Variants in SLC26A7 observed in about 807,000 individuals in gnomAD.
SLC26A7 encodes the protein anion exchange transporter.
SLC26A7 carries 59 observed loss-of-function variants against 82.5 expected under a neutral mutation model. The ratio of observed to expected loss-of-function variants is 0.72; its 90% CI spans 0.58 to 0.89. The LOEUF (loss-of-function observed/expected upper bound fraction) is 0.89. Among genes scored for constraint, SLC26A7 ranks in the 40% least tolerant of loss-of-function variants. The pLI is 0.00. For synonymous variants in SLC26A7, 271 were observed against 274.3 expected (o/e 0.99, Z 0.12); for missense variants, 820 against 793.0 (o/e 1.03, Z -0.41).
Position 91,266,322 on chromosome 8 carries a change from G to T in SLC26A7, c.193+16478G>T, listed in dbSNP as rs966700839. Reference sequence around the variant, plus strand: ...TTGCATTTAATCTGTAGATTTCTTTGGATAGTATGGACATTTTAATGATAT... The same window carrying T: ...TTGCATTTAATCTGTAGATTTCTTTTGATAGTATGGACATTTTAATGATAT... On this transcript the variant is annotated intron_variant, in intron 2 of 18. Transcript: ENST00000276609. Among the ~76,000 whole-genome samples, 6 of 151,622 alleles carry T rather than the reference G, an allele frequency of 4.0e-5. No homozygotes were observed. In the East Asian group the frequency reaches 1.2e-3, roughly 29 times the overall value.
At chr8:91,394,829 A>G in intron 18 of SLC26A7, 1 of 846,878 alleles carries the variant, frequency 1.2e-6, no homozygotes, top group Non-Finnish European at 1.7e-6. Flanking sequence ...TTTAGAAACA[A>G]GGAAACTGAC....
intron 9 of SLC26A7, among the ~76,000 whole-genome samples, chr8:91,346,500 ATGT>A (rs1423559518): frequency 3.9e-5 from 6 of 152,188 alleles, no homozygotes; most frequent in Admixed American, 3.9e-4. Context: ...CCATAAATTG[ATGT>A]AGATGATAAA....
chr8:91,392,849 C>A (rs1808441337), intron 16 of SLC26A7, among the ~76,000 whole-genome samples: 1 of 152,150 alleles, frequency 6.6e-6, no homozygotes, highest in African/African-American at 2.4e-5. Flanking sequence ...GAGTGAAACA[C>A]TGGGAGGTCA....
intron 6 of SLC26A7, among the ~76,000 whole-genome samples, chr8:91,334,993 A>C (rs13270617): frequency 0.055 from 8,405 of 152,192 alleles, 257 homozygotes; most frequent in African/African-American, 0.084. Context: ...AATACATTAC[A>C]TTTTGCTCCT....
At chr8:91,232,274 A>G (rs1810319965) in intron 2 of SLC26A7, among the ~76,000 whole-genome samples, 1 of 152,178 alleles carries the variant, frequency 6.6e-6, no homozygotes, top group Non-Finnish European at 1.5e-5. Context: ...TTTATTTCCC[A>G]TAATATAGGG....
intron 11 of SLC26A7, among the ~76,000 whole-genome samples, chr8:91,353,478 A>G (rs1398704439): frequency 1.3e-5 from 2 of 152,160 alleles, no homozygotes; most frequent in Non-Finnish European, 2.9e-5. Flanking sequence ...GGGTTACATT[A>G]AGAGGACCAT....
chr8:91,268,228 G>A (rs1811165903), intron 2 of SLC26A7, among the ~76,000 whole-genome samples: 1 of 151,692 alleles, frequency 6.6e-6, no homozygotes, highest in South Asian at 2.1e-4. Flanking sequence ...CTAAAAGTGA[G>A]GTGTTAAAGT....
intron 11 of SLC26A7, among the ~76,000 whole-genome samples, chr8:91,355,671 T>C (rs549335306): frequency 5.9e-5 from 9 of 152,232 alleles, no homozygotes; most frequent in African/African-American, 1.7e-4. Context: ...AGGTTTTTTT[T>C]CCTGAGATTA....
intron 2 of SLC26A7, among the ~76,000 whole-genome samples, chr8:91,256,050 A>C (rs1487533557): frequency 2.6e-5 from 4 of 152,138 alleles, no homozygotes; most frequent in Non-Finnish European, 5.9e-5. Context: ...TATTGCTGGC[A>C]CAGCAGATGG....
At chr8:91,371,272 T>A (rs932188474) in intron 15 of SLC26A7, among the ~76,000 whole-genome samples, 3 of 151,870 alleles carry the variant, frequency 2.0e-5, no homozygotes, top group Non-Finnish European at 3.0e-5. Flanking sequence ...ATCTATTTTT[T>A]AAATTTACTT....
chr8:91,221,605 C>T (rs1269226402), intron 2 of SLC26A7, among the ~76,000 whole-genome samples: 1 of 152,116 alleles, frequency 6.6e-6, no homozygotes, highest in Non-Finnish European at 1.5e-5. Context: ...GCCAGTTCTC[C>T]CAGCACCATT....
At chr8:91,252,321 T>C (rs530343910) in intron 2 of SLC26A7, among the ~76,000 whole-genome samples, 13 of 152,104 alleles carry the variant, frequency 8.5e-5, no homozygotes, top group Admixed American at 4.6e-4. Flanking sequence ...TTCATTTGAG[T>C]GTTTTCTATA....
At chr8:91,357,795 A>G (rs1813914613) in intron 11 of SLC26A7, among the ~76,000 whole-genome samples, 1 of 152,232 alleles carries the variant, frequency 6.6e-6, no homozygotes, top group African/African-American at 2.4e-5. Context: ...TGCACAGCAA[A>G]AGAAACTACC....
chr8:91,224,186 C>T (rs571102251), intron 2 of SLC26A7, among the ~76,000 whole-genome samples: 4 of 152,026 alleles, frequency 2.6e-5, no homozygotes, highest in African/African-American at 9.6e-5. Flanking sequence ...TCTGTCAGTT[C>T]GTCTATCTGA....
Position 91,320,872 on chromosome 8 carries a change from C to A in SLC26A7, c.642+2492C>A, listed in dbSNP as rs112828467. ...AATTCAGGCTGATGAGAGATAAAGC[C>A]CATGTTACTGATATTCTTGGAACAT... On this transcript the variant is annotated intron_variant, in intron 5 of 18. Coordinates refer to ENST00000276609, the MANE Select transcript of SLC26A7 (RefSeq NM_052832.4). 1.3e-3 allele frequency among the ~76,000 whole-genome samples: 202 copies of A among 152,262 alleles called. 2 individuals are homozygous for A. The highest frequency in any genetic ancestry group is 4.8e-3 in the African/African-American group (199 of 41,542).
intron 2 of SLC26A7, among the ~76,000 whole-genome samples, chr8:91,254,714 A>C (rs898189607): frequency 6.6e-6 from 1 of 152,198 alleles, no homozygotes; most frequent in African/African-American, 2.4e-5. Flanking sequence ...AAAGAAAGAT[A>C]AAAGAAACTT....
At chr8:91,394,597 T>C (rs1808513996) in intron 18 of SLC26A7, 2 of 1,177,908 alleles carry the variant, frequency 1.7e-6, no homozygotes, top group Non-Finnish European at 2.1e-6. Flanking sequence ...TTGTTTTGCC[T>C]TTCCTCACCC....
chr8:91,258,405 C>G lies in SLC26A7; in HGVS notation c.193+8561C>G, dbSNP rs533627049. Among the ~76,000 whole-genome samples the G allele has an allele frequency of 2.7e-5, 4 of 148,788 alleles. No homozygotes were observed. In the South Asian group the frequency reaches 6.5e-4, roughly 24 times the overall value. On this transcript the variant is annotated intron_variant, in intron 2 of 18. Transcript: ENST00000276609. Reference sequence around the variant, plus strand: ...TTTTTTATAATGCAAGTCACCCCCCCATCTACACAGTTTTTCATGCCAGAA... The same window carrying G: ...TTTTTTATAATGCAAGTCACCCCCCGATCTACACAGTTTTTCATGCCAGAA...
At chr8:91,262,807 A>G (rs1280548966) in intron 2 of SLC26A7, among the ~76,000 whole-genome samples, 1 of 152,042 alleles carries the variant, frequency 6.6e-6, no homozygotes, top group Non-Finnish European at 1.5e-5. Context: ...AATGTTTAAT[A>G]TTTTGGTAAT....
Sources: gnomAD v4.1 joint callset for allele counts (sites outside exome capture counted in the v4.1 genomes callset) on GRCh38, gnomAD v4.1.1 for gene constraint, MANE v1.5 for transcripts, NCBI Gene and HGNC (gene_info 2026-07-23, HGNC 2026-07-21) for gene names.